FGGY: variants seen among roughly 807,000 people sequenced by gnomAD.
FGGY encodes FGGY carbohydrate kinase domain-containing protein.
Under a neutral mutation model 71.3 loss-of-function variants are expected in FGGY, and 72 were observed. The ratio of observed to expected loss-of-function variants is 1.01; its 90% confidence interval spans 0.84 to 1.23. FGGY has a LOEUF of 1.23. Ranked by LOEUF, FGGY falls within the 50% of genes most tolerant of loss-of-function variation. The pLI, the probability that FGGY is intolerant of heterozygous loss-of-function variation, is 0.00. For synonymous variants in FGGY, 251 were observed against 250.3 expected (o/e 1.00, Z -0.02); for missense variants, 668 against 682.3 (o/e 0.98, Z 0.23).
At chr1:59,633,918 C>T (rs1398282302) in intron 10 of FGGY, among the ~76,000 whole-genome samples, 1 of 151,870 alleles carries the variant, frequency 6.6e-6, no homozygotes, top group Non-Finnish European at 1.5e-5. Flanking sequence ...GGAGAAACAG[C>T]CAAAGAGGAG....
intron 7 of FGGY, among the ~76,000 whole-genome samples, chr1:59,529,164 T>C (rs751425719): frequency 6.6e-6 from 1 of 152,210 alleles, no homozygotes; most frequent in Non-Finnish European, 1.5e-5. Flanking sequence ...CTAGTTACTG[T>C]GGCAAATACA....
At chr1:59,479,697 G>T (rs2153564143) in intron 6 of FGGY, among the ~76,000 whole-genome samples, 1 of 152,248 alleles carries the variant, frequency 6.6e-6, no homozygotes, top group Admixed American at 6.5e-5. Context: ...AATGGAAAAG[G>T]TTTAAAATAG....
intron 5 of FGGY, among the ~76,000 whole-genome samples, chr1:59,390,195 G>C (rs1350284912): frequency 7.2e-5 from 11 of 152,140 alleles, no homozygotes; most frequent in Non-Finnish European, 1.5e-5. Flanking sequence ...AAAGAAGAGT[G>C]TTTTCACTCT....
rs372224781 is a variant in FGGY at position 59,387,052 on chromosome 1, G to A, written c.554+8215G>A. 4.8e-4 allele frequency among the ~76,000 whole-genome samples: 73 copies of A among 152,046 alleles called. 2 individuals are homozygous for A. The South Asian group carries it at 0.015, about 30-fold the overall frequency. ...AAAATAATTATTACGTTTCTGATGT[G>A]TGTGGTTCTCTGTGTTTTGGGTTTA... On this transcript the variant is annotated intron_variant, in intron 5 of 15. Coordinates refer to ENST00000303721, the MANE Select transcript of FGGY (RefSeq NM_018291.5).
chr1:59,416,806 A>G (rs2064516427), intron 5 of FGGY, among the ~76,000 whole-genome samples: 1 of 152,038 alleles, frequency 6.6e-6, no homozygotes, highest in Admixed American at 6.6e-5. Context: ...TTCCTACTAT[A>G]CTTCTGCTTA....
chr1:59,591,572 TACTGGTA>T (rs1296997593), intron 8 of FGGY, among the ~76,000 whole-genome samples: 2 of 152,172 alleles, frequency 1.3e-5, no homozygotes, highest in Non-Finnish European at 1.5e-5. Flanking sequence ...AAGAGCATGG[TACTGGTA>T]ACAAAACAGA....
At chr1:59,311,224 C>A (rs926882220) in intron 1 of FGGY, among the ~76,000 whole-genome samples, 9 of 151,962 alleles carry the variant, frequency 5.9e-5, no homozygotes, top group African/African-American at 2.2e-4. Context: ...TCAGCTCTGG[C>A]TGATAACAAA....
At chr1:59,564,237 A>T (rs886484670) in intron 8 of FGGY, among the ~76,000 whole-genome samples, 2 of 152,230 alleles carry the variant, frequency 1.3e-5, no homozygotes, top group East Asian at 1.9e-4. Context: ...AAAAGCTGTC[A>T]TCAGAGTGAA....
rs367581877 is a variant in FGGY, at chr1:59,317,084, A to G, written c.-14-4452A>G. Among the ~76,000 whole-genome samples the G allele has an allele frequency of 4.6e-5, 7 of 152,148 alleles. No individual in the cohort carries two copies. In the East Asian group the frequency reaches 1.2e-3, roughly 25 times the overall value. On this transcript the variant is annotated intron_variant, in intron 1 of 15. Coordinates refer to ENST00000303721, the MANE Select transcript of FGGY (RefSeq NM_018291.5). The stretch of plus-strand genomic sequence containing the variant: ...CCTGTCTGAGAACCTCACTTTCCTT[A>G]GCTGGGAAATGGGGCTCATACTGCC...
At chr1:59,556,090 A>C (rs746725557) in intron 8 of FGGY, among the ~76,000 whole-genome samples, 2 of 152,238 alleles carry the variant, frequency 1.3e-5, no homozygotes, top group African/African-American at 4.8e-5. Context: ...AGATCTGCAG[A>C]GGCCTGAGGC....
chr1:59,704,396 A>G (rs1032176420), intron 14 of FGGY, among the ~76,000 whole-genome samples: 2 of 152,178 alleles, frequency 1.3e-5, no homozygotes, highest in Admixed American at 6.6e-5. Flanking sequence ...AGTAAAAGCA[A>G]AAGGCACAAA....
chr1:59,562,230 G>T (rs554731457), intron 8 of FGGY, among the ~76,000 whole-genome samples: 2 of 152,042 alleles, frequency 1.3e-5, no homozygotes, highest in Non-Finnish European at 2.9e-5. Flanking sequence ...GGAAACAACC[G>T]AGATATCTTT....
intron 2 of FGGY, among the ~76,000 whole-genome samples, chr1:59,338,542 A>G (rs1174437145): frequency 6.6e-6 from 1 of 152,110 alleles, no homozygotes; most frequent in East Asian, 1.9e-4. Context: ...AATTTTTCAC[A>G]TGGCTTTGGC....
intron 5 of FGGY, among the ~76,000 whole-genome samples, chr1:59,406,471 G>A (rs1376262880): frequency 1.3e-5 from 2 of 152,178 alleles, no homozygotes; most frequent in Admixed American, 1.3e-4. Context: ...AAGCTGCGAT[G>A]TGCCTTACAG....
chr1:59,608,604 G>A (rs368528652), intron 9 of FGGY, among the ~76,000 whole-genome samples: 6 of 152,206 alleles, frequency 3.9e-5, no homozygotes, highest in Non-Finnish European at 7.4e-5. Flanking sequence ...AGGCTGGGGC[G>A]GGCAGACCAC....
At chr1:59,648,863 T>C (rs2153924597) in intron 11 of FGGY, among the ~76,000 whole-genome samples, 1 of 152,320 alleles carries the variant, frequency 6.6e-6, no homozygotes, top group South Asian at 2.1e-4. Flanking sequence ...GGTTTTCTTC[T>C]AGGGTTTTTA....
chr1:59,689,055 A>AT (rs1181512707), intron 14 of FGGY, among the ~76,000 whole-genome samples: 2 of 152,038 alleles, frequency 1.3e-5, no homozygotes, highest in Non-Finnish European at 2.9e-5. Context: ...TGGCCTAGAC[A>AT]TTTTTTTAAA....
chr1:59,499,456 G>T (rs1030822627), intron 6 of FGGY, among the ~76,000 whole-genome samples: 7 of 152,014 alleles, frequency 4.6e-5, no homozygotes, highest in Non-Finnish European at 8.8e-5. Flanking sequence ...ATTCAGAATG[G>T]TGTGCAATTT....
intron 5 of FGGY, among the ~76,000 whole-genome samples, chr1:59,401,198 T>G (rs1270121567): frequency 1.3e-5 from 2 of 152,178 alleles, no homozygotes; most frequent in East Asian, 3.8e-4. Flanking sequence ...ATAATAACAG[T>G]TTTTAATGTC....
Sources: allele counts gnomAD v4.1 joint callset (sites outside exome capture counted in the v4.1 genomes callset), GRCh38; gene constraint gnomAD v4.1.1; transcripts MANE v1.5; gene names NCBI Gene and HGNC (gene_info 2026-07-23, HGNC 2026-07-21).